The following SLC24A4 variants were observed in gnomAD, a reference collection of about 807,000 sequenced individuals.
The protein encoded by SLC24A4 is solute carrier family 24 member 4, also known as sodium/potassium/calcium exchanger 4.
In SLC24A4, 53 loss-of-function variants were observed where a neutral mutation model predicts 79.0. That is an observed-to-expected ratio of 0.67 (90% CI 0.54 to 0.84). The LOEUF is 0.84. SLC24A4 is among the 40% of genes least tolerant of loss of function. The pLI, the probability that SLC24A4 is intolerant of heterozygous loss-of-function variation, is 0.00. For missense variants in SLC24A4, 731 were observed against 822.0 expected (o/e 0.89, Z 1.35); for synonymous variants, 323 against 323.8 (o/e 1.00, Z 0.03).
chr14:92,454,907 G>A (rs964036595), intron 11 of SLC24A4, among the ~76,000 whole-genome samples: 3 of 152,140 alleles, frequency 2.0e-5, no homozygotes, highest in African/African-American at 4.8e-5. Flanking sequence ...AATCCAGGCC[G>A]TCTTTCATGC....
chr14:92,381,257 A>T (rs966790873), intron 2 of SLC24A4, among the ~76,000 whole-genome samples: 2 of 152,212 alleles, frequency 1.3e-5, no homozygotes, highest in Admixed American at 1.3e-4. Context: ...AGCCATAAAA[A>T]GGGGTGAGTT....
intron 2 of SLC24A4, among the ~76,000 whole-genome samples, chr14:92,433,615 C>T (rs1015053017): frequency 1.8e-4 from 27 of 152,220 alleles, no homozygotes; most frequent in Non-Finnish European, 3.8e-4. Flanking sequence ...ACTATCTGTT[C>T]TGGGTTCTAG....
intron 2 of SLC24A4, among the ~76,000 whole-genome samples, chr14:92,413,857 G>A (rs936809644): frequency 2.0e-5 from 3 of 152,208 alleles, no homozygotes; most frequent in African/African-American, 7.2e-5. Context: ...GGCAAAAGAT[G>A]TGTCATTGTT....
At position 92,353,698 on chromosome 14, in the gene SLC24A4, T is replaced by C. The variant is rs1887010420; in HGVS notation, c.241+27720T>C. Among the ~76,000 whole-genome samples, 1 of 152,208 alleles carries C rather than the reference T, an allele frequency of 6.6e-6. No individual in the cohort carries two copies. The highest frequency in any genetic ancestry group is 2.4e-5 in the African/African-American group (1 of 41,460). On this transcript the variant is annotated intron_variant, in intron 2 of 16. Transcript: ENST00000532405. This position sits in a 1 kb window ranked among gnomAD's most constrained non-coding sequence, Gnocchi z 4.1. Reference sequence around the variant, plus strand: ...TTTCTGCTTGCTCTTCGTGTCCTTTTCTGTGTAGGCATTTAATCAGCTGTA... The same window carrying C: ...TTTCTGCTTGCTCTTCGTGTCCTTTCCTGTGTAGGCATTTAATCAGCTGTA...
In SLC24A4 at chr14:92,451,589, G is replaced by A. The variant is rs553235098; in HGVS notation, c.881-2311G>A. On this transcript the variant is annotated intron_variant, in intron 10 of 16. Transcript: ENST00000532405. The stretch of plus-strand genomic sequence containing the variant: ...AGAGCACACACTCTCAGGCCCGATC[G>A]AGCTGTTCTCAGTTTTTGGGTTTCC... 9.8e-5 allele frequency: 15 copies of A among 152,320 alleles called. No homozygotes were observed. The South Asian group carries it at 1.0e-3, about 11-fold the overall frequency. The allele number at this position is 152,320 out of a possible 1,614,324, so 9.4% of individuals were successfully genotyped here.
At chr14:92,380,102 C>T (rs1888751157) in intron 2 of SLC24A4, among the ~76,000 whole-genome samples, 1 of 152,338 alleles carries the variant, frequency 6.6e-6, no homozygotes, top group Non-Finnish European at 1.5e-5. Context: ...GGGAGGGCCA[C>T]AGACACTGAA....
intron 2 of SLC24A4, among the ~76,000 whole-genome samples, chr14:92,358,625 A>G (rs559438084): frequency 4.8e-4 from 72 of 150,144 alleles, no homozygotes; most frequent in East Asian, 7.9e-4. Context: ...ACCCCTCTCC[A>G]TACCTGCCAT....
At position 92,342,132 on chromosome 14, in the gene SLC24A4, C is replaced by T. The variant is rs558653628; in HGVS notation, c.241+16154C>T. Among the ~76,000 whole-genome samples, 18 of 152,086 alleles carry T rather than the reference C, an allele frequency of 1.2e-4. No homozygotes were observed. In the South Asian group the frequency reaches 1.3e-3, roughly 11 times the overall value. ...CGAGCCCCAAGCTCATCACCAATAC[C>T]GAGAATCACACAATGAAGTCAGAGG... On this transcript the variant is annotated intron_variant, in intron 2 of 16. Coordinates refer to ENST00000532405, the MANE Select transcript of SLC24A4 (RefSeq NM_153646.4).
chr14:92,363,709 G>T (rs952856474), intron 2 of SLC24A4, among the ~76,000 whole-genome samples: 2 of 151,990 alleles, frequency 1.3e-5, no homozygotes, highest in African/African-American at 4.8e-5. Flanking sequence ...ACGCATCTGT[G>T]GTCTCAGCTA....
intron 12 of SLC24A4, among the ~76,000 whole-genome samples, chr14:92,465,262 G>A (rs1894039770): frequency 6.6e-6 from 1 of 152,198 alleles, no homozygotes; most frequent in Non-Finnish European, 1.5e-5. Context: ...TGTCTCACGG[G>A]TGAGGACATG....
chr14:92,334,055 G>A (rs1012496728), intron 2 of SLC24A4, among the ~76,000 whole-genome samples: 1 of 152,222 alleles, frequency 6.6e-6, no homozygotes, highest in African/African-American at 2.4e-5. Flanking sequence ...AATGGCACTG[G>A]TGGCAAGAAG....
intron 2 of SLC24A4, among the ~76,000 whole-genome samples, chr14:92,407,189 G>A (rs776802918): frequency 5.3e-5 from 8 of 152,192 alleles, no homozygotes; most frequent in East Asian, 1.9e-4. Context: ...CATAGCAAGA[G>A]TGAATTTTAC....
rs549277363 is a variant in SLC24A4, at chr14:92,455,857, C to T, written c.1051-547C>T. 3.3e-5 allele frequency among the ~76,000 whole-genome samples: 5 copies of T among 152,188 alleles called. No individual in the cohort carries two copies. The East Asian group carries it at 5.8e-4, about 18-fold the overall frequency. On this transcript the variant is annotated intron_variant, in intron 11 of 16. Coordinates refer to ENST00000532405, the MANE Select transcript of SLC24A4 (RefSeq NM_153646.4). ...CTGGGATTACGGGGGCCTACCACCA[C>T]GGCTGGCTAGTTTTTGTATTTTTAG...
chr14:92,390,862 A>G (rs760933583), intron 2 of SLC24A4, among the ~76,000 whole-genome samples: 1 of 152,196 alleles, frequency 6.6e-6, no homozygotes, highest in African/African-American at 2.4e-5. Context: ...CTCTTGGTTC[A>G]GGGTCTTAGC....
Position 92,453,999 on chromosome 14 carries a change from G to A in SLC24A4, c.980G>A (p.Arg327Gln), listed in dbSNP as rs187442392. The change falls in exon 11 of 17, where the codon CGA (arginine) becomes CAA (glutamine). Residue 327 changes from arginine (R) to glutamine (Q), a missense_variant. Arg to Gln is a conservative substitution (Grantham distance 43). Coordinates refer to ENST00000532405, the MANE Select transcript of SLC24A4 (RefSeq NM_153646.4). ...PKFTFPEAGL[R>Q]IMITNKFGPR... ...TTCACCTTCCCTGAAGCAGGCTTAC[G>A]AATCATGATCACCAATAAGTTTGGA... 11 of 1,613,834 alleles carry A rather than the reference G, an allele frequency of 6.8e-6. No homozygotes were observed. The South Asian group carries it at 8.8e-5, about 13-fold the overall frequency.
At chr14:92,328,827 A>C (rs1595120969) in intron 2 of SLC24A4, among the ~76,000 whole-genome samples, 1 of 152,186 alleles carries the variant, frequency 6.6e-6, no homozygotes, top group African/African-American at 2.4e-5. Context: ...CATAGGTTCC[A>C]CCTCCGGAGG....
intron 12 of SLC24A4, among the ~76,000 whole-genome samples, chr14:92,474,641 C>T (rs10141886): frequency 0.072 from 10,224 of 142,564 alleles, 896 homozygotes; most frequent in African/African-American, 0.2. Context: ...CCCACCACAA[C>T]GCCCAGCTAA....
rs527691958 is a variant in SLC24A4, at chr14:92,326,991, G to A, written c.241+1013G>A. Among the ~76,000 whole-genome samples, 58 of 152,226 alleles carry A rather than the reference G, an allele frequency of 3.8e-4. 2 individuals are homozygous for A. In the South Asian group the frequency reaches 0.012, roughly 31 times the overall value. ...AGCAGGGTTGGATGGCAGTCCCCAC[G>A]TGTTAAATTGTCATACTCTGTGAGG... On this transcript the variant is annotated intron_variant, in intron 2 of 16. Coordinates refer to ENST00000532405, the MANE Select transcript of SLC24A4 (RefSeq NM_153646.4).
intron 2 of SLC24A4, among the ~76,000 whole-genome samples, chr14:92,382,107 T>TAC (rs149711239): frequency 0.026 from 3,882 of 151,556 alleles, 76 homozygotes; most frequent in South Asian, 0.056. Context: ...TATATAAACA[T>TAC]ACACACACAC....
Sources: allele counts gnomAD v4.1 joint callset (sites outside exome capture counted in the v4.1 genomes callset), GRCh38; gene constraint gnomAD v4.1.1; non-coding constraint Gnocchi (gnomAD v3.1); transcripts MANE v1.5; gene names NCBI Gene and HGNC (gene_info 2026-07-23, HGNC 2026-07-21).